Variants in LDLRAD4 observed in about 807,000 individuals in gnomAD.
The protein encoded by LDLRAD4 is low density lipoprotein receptor class A domain containing 4.
A neutral mutation model predicts 17.0 loss-of-function variants in LDLRAD4; 5 were observed. The ratio of observed to expected loss-of-function variants is 0.29; its 90% CI spans 0.15 to 0.62. The LOEUF (loss-of-function observed/expected upper bound fraction) is 0.62. Ranked by LOEUF, LDLRAD4 falls within the 20% of genes least tolerant of loss-of-function variation. LDLRAD4 has a pLI of 0.84. For missense variants in LDLRAD4, 340 were observed against 424.7 expected (o/e 0.80, Z 1.75); for synonymous variants, 168 against 171.8 (o/e 0.98, Z 0.17).
intron 2 of LDLRAD4, among the ~76,000 whole-genome samples, chr18:13,405,853 G>A (rs2087690545): frequency 6.6e-6 from 1 of 152,168 alleles, no homozygotes; most frequent in South Asian, 2.1e-4. Flanking sequence ...GTGCCACAGA[G>A]GTGTGGGTGA....
intron 3 of LDLRAD4, among the ~76,000 whole-genome samples, chr18:13,594,218 G>T (rs147620330): frequency 6.6e-6 from 1 of 152,250 alleles, no homozygotes; most frequent in East Asian, 1.9e-4. Flanking sequence ...TCAGGTGATG[G>T]CAGTGGAGCT....
At chr18:13,247,773 CG>C (rs1203587915) in intron 1 of LDLRAD4, among the ~76,000 whole-genome samples, 4 of 152,074 alleles carry the variant, frequency 2.6e-5, no homozygotes, top group African/African-American at 9.7e-5. Context: ...CTACTGTAAG[CG>C]CCTGTGCTTA....
At chr18:13,651,980 G>A (rs2149042081) in exon 6 of LDLRAD4, 1 of 152,328 alleles carries the variant, frequency 6.6e-6, no homozygotes, top group East Asian at 1.9e-4. Flanking sequence ...CTGTTTGAAA[G>A]GGCCGTAAAA....
chr18:13,324,833 T>A (rs7236152), intron 1 of LDLRAD4, among the ~76,000 whole-genome samples: 55,762 of 151,914 alleles, frequency 0.37, 10,981 homozygotes, highest in African/African-American at 0.51. Flanking sequence ...GAGGGGAAGG[T>A]GGAAAGAAAA....
At chr18:13,571,593 T>G (rs1024306722) in intron 3 of LDLRAD4, among the ~76,000 whole-genome samples, 2 of 152,206 alleles carry the variant, frequency 1.3e-5, no homozygotes, top group East Asian at 3.8e-4. Context: ...CAGTGTTGCT[T>G]TGGATTCTGA....
chr18:13,225,595 G>C (rs2041741214), intron 1 of LDLRAD4, among the ~76,000 whole-genome samples: 1 of 152,200 alleles, frequency 6.6e-6, no homozygotes, highest in African/African-American at 2.4e-5. Flanking sequence ...TGCAAGGCCT[G>C]TCTTGGGGTA....
chr18:13,415,985 G>C (rs1384241600), intron 2 of LDLRAD4, among the ~76,000 whole-genome samples: 1 of 152,238 alleles, frequency 6.6e-6, no homozygotes. Context: ...TTGCGTCGTA[G>C]GAGAGCTTTG....
intron 3 of LDLRAD4, among the ~76,000 whole-genome samples, chr18:13,567,766 T>A (rs1435695713): frequency 2.2e-5 from 3 of 139,142 alleles, no homozygotes; most frequent in Non-Finnish European, 3.2e-5. Context: ...AAAAAAAAAA[T>A]AGAATATTTG....
chr18:13,517,239 A>G (rs1382423472), intron 3 of LDLRAD4, among the ~76,000 whole-genome samples: 2 of 152,248 alleles, frequency 1.3e-5, no homozygotes, highest in African/African-American at 2.4e-5. Context: ...AGAATCATCA[A>G]TTCCAGTGGA....
At chr18:13,558,807 C>G (rs1028502169) in intron 3 of LDLRAD4, among the ~76,000 whole-genome samples, 1 of 152,046 alleles carries the variant, frequency 6.6e-6, no homozygotes, top group South Asian at 2.1e-4. Context: ...CCAAAGAGAA[C>G]CTCTGCCACC....
At chr18:13,397,450 A>G (rs1184497455) in intron 2 of LDLRAD4, among the ~76,000 whole-genome samples, 2 of 152,176 alleles carry the variant, frequency 1.3e-5, no homozygotes, top group Non-Finnish European at 2.9e-5. Context: ...GCCCTTTTGC[A>G]GCAATAGGGT....
intron 3 of LDLRAD4, among the ~76,000 whole-genome samples, chr18:13,496,205 G>A (rs1156594104): frequency 6.6e-6 from 1 of 152,156 alleles, no homozygotes. Flanking sequence ...CCTGAGTCGT[G>A]GAGACTGTCA....
At chr18:13,511,703 C>T (rs1018860691) in intron 3 of LDLRAD4, among the ~76,000 whole-genome samples, 2 of 152,178 alleles carry the variant, frequency 1.3e-5, no homozygotes, top group African/African-American at 4.8e-5. Flanking sequence ...TTTCTGGCCC[C>T]TCAGTAGGAA....
At chr18:13,513,347 A>T (rs1411532813) in intron 3 of LDLRAD4, among the ~76,000 whole-genome samples, 1 of 152,264 alleles carries the variant, frequency 6.6e-6, no homozygotes, top group Non-Finnish European at 1.5e-5. Context: ...ATCAGTAAGC[A>T]AGTCACATTT....
chr18:13,552,666 A>T (rs1433670043), intron 3 of LDLRAD4, among the ~76,000 whole-genome samples: 1 of 151,796 alleles, frequency 6.6e-6, no homozygotes, highest in Non-Finnish European at 1.5e-5. Context: ...GAGGACTGTG[A>T]CTCTTCACTC....
chr18:13,643,574 G>C (rs890171509), intron 5 of LDLRAD4, among the ~76,000 whole-genome samples, 162 bp downstream of exon 6: 2 of 152,226 alleles, frequency 1.3e-5, no homozygotes, highest in African/African-American at 4.8e-5. Flanking sequence ...AAAGCGGGAG[G>C]GGACTTCCCC....
At chr18:13,433,940 G>A (rs997308911) in intron 2 of LDLRAD4, among the ~76,000 whole-genome samples, 1 of 152,126 alleles carries the variant, frequency 6.6e-6, no homozygotes, top group South Asian at 2.1e-4. Flanking sequence ...CTCTCGATCC[G>A]ATGGAAATCT....
intron 3 of LDLRAD4, chr18:13,514,437 A>T (rs1018246148): frequency 6.6e-6 from 1 of 152,220 alleles, no homozygotes; most frequent in African/African-American, 2.4e-5. Flanking sequence ...TAAAGCTAAG[A>T]GTTAAATAAC....
intron 1 of LDLRAD4, among the ~76,000 whole-genome samples, chr18:13,317,279 C>T (rs73419367): frequency 6.6e-6 from 1 of 152,206 alleles, no homozygotes; most frequent in Admixed American, 6.5e-5. Flanking sequence ...GTATCCTAAG[C>T]TCTCAGGGAT....
Sources: gnomAD v4.1 joint callset for allele counts (sites outside exome capture counted in the v4.1 genomes callset) on GRCh38, gnomAD v4.1.1 for gene constraint, MANE v1.5 for transcripts, NCBI Gene and HGNC (gene_info 2026-07-23, HGNC 2026-07-21) for gene names.